The following FERMT2 variants were observed in gnomAD, a reference collection of about 807,000 sequenced individuals.
The protein encoded by FERMT2 is FERM domain containing kindlin 2.
In FERMT2, 15 loss-of-function variants were observed where a neutral mutation model predicts 82.7. The ratio of observed to expected loss-of-function variants is 0.18; its 90% CI spans 0.12 to 0.28. The LOEUF (loss-of-function observed/expected upper bound fraction) is 0.28. Ranked by LOEUF, FERMT2 falls within the 10% of genes least tolerant of loss-of-function variation. The pLI, the probability that FERMT2 is intolerant of heterozygous loss-of-function variation, is 1.00. For synonymous variants in FERMT2, 274 were observed against 271.5 expected (o/e 1.01, Z -0.09); for missense variants, 645 against 809.4 (o/e 0.80, Z 2.46).
intron 3 of FERMT2, among the ~76,000 whole-genome samples, chr14:52,908,751 T>C (rs974651632): frequency 7.2e-5 from 11 of 152,162 alleles, no homozygotes; most frequent in Non-Finnish European, 1.3e-4. Context: ...TACGATTATT[T>C]TGCCTTAAAT....
intron 14 of FERMT2, 125 bp from the exon 15 acceptor site, chr14:52,858,675 C>A: frequency 1.2e-6 from 1 of 824,028 alleles, no homozygotes; most frequent in Non-Finnish European, 1.9e-6. Context: ...AATGATCAGT[C>A]TGTCTAAAAC....
At chr14:52,943,784 C>A (rs1167413262) in intron 2 of FERMT2, among the ~76,000 whole-genome samples, 6 of 152,160 alleles carry the variant, frequency 3.9e-5, no homozygotes, top group Non-Finnish European at 2.9e-5. Context: ...AGTGTTCACT[C>A]AATTACTCTT....
intron 14 of FERMT2, 151 bp downstream of exon 14, chr14:52,859,422 T>G: frequency 1.4e-6 from 1 of 712,682 alleles, no homozygotes; most frequent in Admixed American, 3.9e-5. Context: ...TAGGCAAATT[T>G]AAGTGAGAAA....
At chr14:52,902,305 ATT>A (rs1887699685) in intron 3 of FERMT2, among the ~76,000 whole-genome samples, 1 of 151,982 alleles carries the variant, frequency 6.6e-6, no homozygotes, top group Non-Finnish European at 1.5e-5. Context: ...AGGCAGGAGA[ATT>A]GCTTGAACCT....
At chr14:52,878,343 G>C (rs1481143959) in intron 7 of FERMT2, among the ~76,000 whole-genome samples, 1 of 152,002 alleles carries the variant, frequency 6.6e-6, no homozygotes, top group East Asian at 1.9e-4. Flanking sequence ...TACAAAATAG[G>C]ATAATTTTTT....
At chr14:52,860,270 T>C (rs1884844648) in intron 13 of FERMT2, 71 bp downstream of exon 13, 2 of 1,382,456 alleles carry the variant, frequency 1.4e-6, no homozygotes, top group Non-Finnish European at 2.0e-6. Context: ...ATGTTTAATA[T>C]CTAATTACAT....
intron 10 of FERMT2, among the ~76,000 whole-genome samples, chr14:52,867,045 ACCTC>A (rs1885325372): frequency 1.3e-5 from 2 of 149,484 alleles, no homozygotes; most frequent in Non-Finnish European, 3.0e-5. Flanking sequence ...CTTTTCTGTT[ACCTC>A]TTTCCCCCTT....
Position 52,949,390 on chromosome 14 carries a change from GA to G in FERMT2, c.157+1021del, listed in dbSNP as rs1197953349. ...CGAATGCTGTGTTTAAAAAAAAAAA[GA>G]AAAAAAAAAAGACGAAAAAAACCCC... On this transcript the variant is annotated intron_variant, in intron 2 of 14. Coordinates refer to ENST00000341590, the MANE Select transcript of FERMT2 (RefSeq NM_006832.3). Among the ~76,000 whole-genome samples, 436 of 75,952 alleles carry G rather than the reference GA, an allele frequency of 5.7e-3. 3 individuals carry two copies. The highest frequency in any genetic ancestry group is 0.014 in the African/African-American group (347 of 24,232). The allele number at this position is 75,952 out of a possible 152,430, so 49.8% of individuals were successfully genotyped here.
intron 10 of FERMT2, among the ~76,000 whole-genome samples, chr14:52,867,492 C>G (rs1208081972): frequency 1.3e-5 from 2 of 151,912 alleles, no homozygotes; most frequent in Non-Finnish European, 2.9e-5. Context: ...GTTTCCTTTG[C>G]AAGGTCCCCT....
At chr14:52,928,432 C>G (rs940862516) in intron 2 of FERMT2, 1 of 153,522 alleles carries the variant, frequency 6.5e-6, no homozygotes, top group Admixed American at 6.5e-5. Context: ...ACACTACAAT[C>G]CCAGTGTTCT....
chr14:52,947,983 A>T (rs1438299795), intron 2 of FERMT2, among the ~76,000 whole-genome samples: 1 of 152,260 alleles, frequency 6.6e-6, no homozygotes, highest in Non-Finnish European at 1.5e-5. Context: ...TAAGAAGGAT[A>T]TCAGACAGTC....
chr14:52,881,460 T>C lies in FERMT2; in HGVS notation c.536A>G (p.Tyr179Cys). ...PLITPGSGSI[Y>C]SSPGLYSKTM... Reference sequence around the variant, plus strand: ...TTTACTATACAGTCCTGGGCTTGAATATATACTTCCTAATAAGTAACATGA... The same window carrying C: ...TTTACTATACAGTCCTGGGCTTGAACATATACTTCCTAATAAGTAACATGA... Residue 179 changes from tyrosine to cysteine, a missense_variant, in exon 5 of 15, where the codon TAT (tyrosine) becomes TGT (cysteine). Physicochemically the swap from Tyr to Cys is radical, Grantham distance 194. Coordinates refer to ENST00000341590, the MANE Select transcript of FERMT2 (RefSeq NM_006832.3). 1 of 1,605,330 alleles carries C rather than the reference T, an allele frequency of 6.2e-7. No individual in the cohort carries two copies.
At position 52,950,394 on chromosome 14, in the gene FERMT2, G is replaced by C. The variant is rs1235035375; in HGVS notation, c.157+18C>G. ...TTCTGGGAAGTCATTAGTTGGACGC[G>C]GCTGGGATGCTACTCACCGAGTTTC... is the stretch of plus-strand genomic sequence containing the variant. On this transcript the variant is annotated intron_variant, in intron 2 of 14. Coordinates refer to ENST00000341590, the MANE Select transcript of FERMT2 (RefSeq NM_006832.3). 2 of 1,609,048 alleles carry C rather than the reference G, an allele frequency of 1.2e-6. No homozygotes were observed. Among genetic ancestry groups the C allele is most frequent in the Admixed American group, 1.7e-5 (1 of 59,544 alleles).
intron 3 of FERMT2, among the ~76,000 whole-genome samples, chr14:52,907,133 C>A (rs551784679): frequency 6.5e-4 from 99 of 152,316 alleles, no homozygotes; most frequent in African/African-American, 2.2e-3. Context: ...CCCGCTTAAC[C>A]TCCTGAGCAG....
rs945692327 is a variant in FERMT2 at position 52,944,529 on chromosome 14, A to T, written c.157+5883T>A. ...CCAGTGTGCATCTTGCCAAGCTCTA[A>T]TCCTAGTGTTTAAAGTATTTTTTTG... On this transcript the variant is annotated intron_variant, in intron 2 of 14. Transcript: ENST00000341590. Among the ~76,000 whole-genome samples the T allele has an allele frequency of 2.0e-5, 3 of 152,204 alleles. No individual in the cohort carries two copies. The South Asian group carries it at 6.2e-4, about 32-fold the overall frequency.
At chr14:52,921,998 C>G (rs538644283) in intron 2 of FERMT2, among the ~76,000 whole-genome samples, 5 of 152,218 alleles carry the variant, frequency 3.3e-5, no homozygotes, top group East Asian at 3.9e-4. Context: ...TGTAAGAGCA[C>G]TATGAGTCCA....
intron 7 of FERMT2, among the ~76,000 whole-genome samples, chr14:52,876,861 A>G (rs1437306799): frequency 6.6e-6 from 1 of 152,122 alleles, no homozygotes; most frequent in Non-Finnish European, 1.5e-5. Flanking sequence ...GCTTCCTACA[A>G]CCTTAGGGTC....
At chr14:52,865,434 C>T (rs7158645) in intron 10 of FERMT2, among the ~76,000 whole-genome samples, 126,727 of 152,138 alleles carry the variant, frequency 0.83, 53,492 homozygotes, top group Non-Finnish European at 0.9. Context: ...ATAATAAATA[C>T]AGTGAAGTAG....
intron 3 of FERMT2, among the ~76,000 whole-genome samples, chr14:52,918,353 A>T (rs1296592800): frequency 1.3e-5 from 2 of 152,212 alleles, no homozygotes; most frequent in African/African-American, 4.8e-5. Context: ...ATGATTACTT[A>T]GGGGAAGGGG....
Sources: gnomAD v4.1 joint callset for allele counts (sites outside exome capture counted in the v4.1 genomes callset) on GRCh38, gnomAD v4.1.1 for gene constraint, MANE v1.5 for transcripts, NCBI Gene and HGNC (gene_info 2026-07-23, HGNC 2026-07-21) for gene names.